Variants in PCDHGB2 observed in about 807,000 individuals in gnomAD.
PCDHGB2 encodes protocadherin gamma subfamily B, 2, also known as protocadherin gamma-B2.
A neutral mutation model predicts 59.3 loss-of-function variants in PCDHGB2; 55 were observed. The observed-to-expected ratio is 0.93, with a 90% CI of 0.75 to 1.16. PCDHGB2 has a LOEUF of 1.16. PCDHGB2 is among the 50% of genes most tolerant of loss of function. The pLI is 0.00. For synonymous variants in PCDHGB2, 516 were observed against 512.0 expected, an observed-to-expected ratio of 1.01 and a Z score of -0.11; for missense variants, 1,228 against 1,198.5, an observed-to-expected ratio of 1.02 and a Z score of -0.36.
At chr5:141,470,858 TTTTG>T (rs775688955) in intron 1 of PCDHGB2, among the ~76,000 whole-genome samples, 79 of 151,956 alleles carry the variant, frequency 5.2e-4, no homozygotes, top group Non-Finnish European at 3.5e-4. Context: ...CAGATAAGTT[TTTTG>T]TTTGTTTGTT....
chr5:141,423,806 T>C (rs2096783171), intron 1 of PCDHGB2: 1 of 1,251,576 alleles, frequency 8.0e-7, no homozygotes, highest in Non-Finnish European at 1.0e-6. Flanking sequence ...GCAATACATG[T>C]GAGTTTTACT....
chr5:141,505,362 G>A (rs766427680), intron 2 of PCDHGB2, 31 bp from the exon 3 acceptor site: 1 of 1,613,966 alleles, frequency 6.2e-7, no homozygotes, highest in Non-Finnish European at 8.5e-7. Flanking sequence ...CGGCCTGGGA[G>A]TCTGTGCTCA....
At chr5:141,495,089 C>G (rs1440289878) in intron 2 of PCDHGB2, among the ~76,000 whole-genome samples, 2 of 152,284 alleles carry the variant, frequency 1.3e-5, no homozygotes, top group East Asian at 3.9e-4. Flanking sequence ...TGCCCCTTCC[C>G]TCCTCGCCAC....
intron 1 of PCDHGB2, among the ~76,000 whole-genome samples, chr5:141,472,131 A>C (rs565506002): frequency 6.6e-6 from 1 of 152,264 alleles, no homozygotes; most frequent in Non-Finnish European, 1.5e-5. Flanking sequence ...AGAGAAGTTA[A>C]AAATAAAAGT....
chr5:141,408,197 C>A (rs2095057098), intron 1 of PCDHGB2: 5 of 1,546,080 alleles, frequency 3.2e-6, no homozygotes, highest in Non-Finnish European at 4.4e-6. Context: ...AGAACCCGAG[C>A]GAACGATGGG....
intron 1 of PCDHGB2, among the ~76,000 whole-genome samples, chr5:141,482,800 G>C (rs10052648): frequency 0.023 from 2,992 of 130,874 alleles, 96 homozygotes; most frequent in African/African-American, 0.087. Context: ...GGCCGGGTAC[G>C]GTGGCTCATG....
At chr5:141,397,324 T>C (rs2093508718) in intron 1 of PCDHGB2, among the ~76,000 whole-genome samples, 1 of 152,148 alleles carries the variant, frequency 6.6e-6, no homozygotes, top group African/African-American at 2.4e-5. Flanking sequence ...TAAAGAAAAA[T>C]TATTTTTATA....
intron 1 of PCDHGB2, chr5:141,418,522 C>A: frequency 6.2e-7 from 1 of 1,614,000 alleles, no homozygotes; most frequent in Non-Finnish European, 8.5e-7. Flanking sequence ...GGGACCCTCC[C>A]CGAAGCGGTA....
rs760878091 is a variant in PCDHGB2 at position 141,476,406 on chromosome 5, T to A, written c.2422-18401T>A. The A allele has an allele frequency of 6.2e-7, 1 of 1,614,054 alleles. No individual in the cohort carries two copies. The highest frequency in any genetic ancestry group is 8.5e-7 in the Non-Finnish European group (1 of 1,180,002). On this transcript the variant is annotated intron_variant, in intron 1 of 3. Transcript: ENST00000522605. The surrounding 1 kb of genome is among the most constrained non-coding windows in gnomAD (Gnocchi z 7.6). Reference sequence around the variant, plus strand: ...AACGACCGTCTGGATCGAGAGGAGCTGTGTGGGACACTGCCCTCTTGCACT... The same window carrying A: ...AACGACCGTCTGGATCGAGAGGAGCAGTGTGGGACACTGCCCTCTTGCACT...
rs965707754 is a variant in PCDHGB2 at position 141,505,329 on chromosome 5, G to A, written c.2481-64G>A. On this transcript the variant is annotated intron_variant, in intron 2 of 3. Coordinates refer to ENST00000522605, the MANE Select transcript of PCDHGB2 (RefSeq NM_018923.3). ...ACTAGGTTTGGGAGCCCTGGGAGAG[G>A]ACAGGAGGGGCATGAGCTGTGCCGG... is the stretch of plus-strand genomic sequence containing the variant. The A allele has an allele frequency of 2.5e-6, 4 of 1,610,060 alleles. No individual in the cohort carries two copies. The African/African-American group carries it at 5.3e-5, about 22-fold the overall frequency.
chr5:141,427,546 C>T (rs779995777), intron 1 of PCDHGB2: 1 of 639,564 alleles, frequency 1.6e-6, no homozygotes, highest in South Asian at 1.5e-5. Context: ...GTCACCATCA[C>T]TGCCACTGAC....
chr5:141,510,141 T>C (rs1596266322), intron 3 of PCDHGB2, among the ~76,000 whole-genome samples: 1 of 152,014 alleles, frequency 6.6e-6, no homozygotes. Flanking sequence ...GGGCTAGTGG[T>C]GTGCACCTGT....
intron 1 of PCDHGB2, among the ~76,000 whole-genome samples, chr5:141,453,315 T>A (rs1410108522): frequency 6.6e-6 from 1 of 151,214 alleles, no homozygotes; most frequent in African/African-American, 2.5e-5. Context: ...TTATTTATTT[T>A]AGAGATGGGG....
Position 141,477,584 on chromosome 5 carries a change from G to A in PCDHGB2, c.2422-17223G>A. 5 of 1,614,148 alleles carry A rather than the reference G, an allele frequency of 3.1e-6. No homozygotes were observed. Among genetic ancestry groups the A allele is most frequent in the Non-Finnish European group, 4.2e-6 (5 of 1,180,032 alleles). On this transcript the variant is annotated intron_variant, in intron 1 of 3. Coordinates refer to ENST00000522605, the MANE Select transcript of PCDHGB2 (RefSeq NM_018923.3). This position sits in a 1 kb window ranked among gnomAD's most constrained non-coding sequence, Gnocchi z 4.9. ...CTGGGACCCCGACGCCCCGCAGAAT[G>A]CTCGGCTTTCTTTCTTTCTCTTGGA...
rs1232672788 is a variant in PCDHGB2, at chr5:141,431,315, G to A, written c.2422-63492G>A. The A allele has an allele frequency of 6.2e-7, 1 of 1,614,080 alleles. No individual in the cohort carries two copies. Among genetic ancestry groups the A allele is most frequent in the South Asian group, 1.1e-5 (1 of 91,078 alleles). On this transcript the variant is annotated intron_variant, in intron 1 of 3. Coordinates refer to ENST00000522605, the MANE Select transcript of PCDHGB2 (RefSeq NM_018923.3). The surrounding 1 kb of genome is among the most constrained non-coding windows in gnomAD (Gnocchi z 4.8). ...CTTCTCCCTCATCGTGCAAAATGGAGCCGACGGTAGTAAGTACCCCGAATT... is the reference window on the plus strand; with the variant it reads ...CTTCTCCCTCATCGTGCAAAATGGAACCGACGGTAGTAAGTACCCCGAATT...
rs775674745 is a variant in PCDHGB2 at position 141,371,722 on chromosome 5, T to C, written c.2421+9166T>C. The C allele has an allele frequency of 3.1e-5, 50 of 1,613,944 alleles. No homozygotes were observed. In the South Asian group the frequency reaches 5.4e-4, roughly 17 times the overall value. On this transcript the variant is annotated intron_variant, in intron 1 of 3. Coordinates refer to ENST00000522605, the MANE Select transcript of PCDHGB2 (RefSeq NM_018923.3). ...AGCAAGACCATCACTCTGCACATCC[T>C]TGATGTCAACGACAACGTTCCCGTT...
At chr5:141,399,816 G>T (rs1399321740) in intron 1 of PCDHGB2, 1 of 1,613,196 alleles carries the variant, frequency 6.2e-7, no homozygotes, top group Non-Finnish European at 8.5e-7. Flanking sequence ...ACCCCGCGCT[G>T]GGTCCCGACG....
rs61612330 is a variant in PCDHGB2, at chr5:141,454,796, A to ATTTTTTTTTTTTTTTTT, written c.2422-39998_2422-39982dup. Among the ~76,000 whole-genome samples the ATTTTTTTTTTTTTTTTT allele has an allele frequency of 1.9e-3, 147 of 77,454 alleles. 11 individuals carry two copies. Among genetic ancestry groups the ATTTTTTTTTTTTTTTTT allele is most frequent in the Middle Eastern group, 0.017 (2 of 120 alleles). 50.8% of individuals were successfully genotyped at this position (77,454 alleles called of 152,430 possible). ...AAGGAAATAATCCTCCATGGTTCTA[A>ATTTTTTTTTTTTTTTTT]TTTTTTTTTTTTTTTTTTTTTTTTT... On this transcript the variant is annotated intron_variant, in intron 1 of 3. Coordinates refer to ENST00000522605, the MANE Select transcript of PCDHGB2 (RefSeq NM_018923.3).
Position 141,361,729 on chromosome 5 carries a change from C to A in PCDHGB2, c.1594C>A (p.Leu532Met). 6.2e-7 allele frequency: 1 copy of A among 1,613,256 alleles called. No homozygotes were observed. Among genetic ancestry groups the A allele is most frequent in the East Asian group, 2.2e-5 (1 of 44,886 alleles). Reference sequence around the variant, plus strand: ...GCAGCTGCGCGCCTTCGAGCTCACACTGCAGGCCCGCGACCAGGGCTCGCC... The same window carrying A: ...GCAGCTGCGCGCCTTCGAGCTCACAATGCAGGCCCGCGACCAGGGCTCGCC... ...HEQLRAFELT[L>M]QARDQGSPAL... Residue 532 changes from leucine (L) to methionine (M), a missense_variant, in exon 1 of 4, where the codon CTG becomes ATG. Leu to Met is a conservative substitution (Grantham distance 15). Transcript: ENST00000522605.
Sources: allele counts gnomAD v4.1 joint callset (sites outside exome capture counted in the v4.1 genomes callset), GRCh38; gene constraint gnomAD v4.1.1; non-coding constraint Gnocchi (gnomAD v3.1); transcripts MANE v1.5; gene names NCBI Gene and HGNC (gene_info 2026-07-23, HGNC 2026-07-21).